Variants in AMD1 observed in about 807,000 individuals in gnomAD.
AMD1 encodes the protein S-adenosylmethionine decarboxylase proenzyme.
Under a neutral mutation model 40.2 loss-of-function variants are expected in AMD1, and 11 were observed. The observed-to-expected ratio is 0.27, with a 90% CI of 0.17 to 0.45. The LOEUF (loss-of-function observed/expected upper bound fraction) is 0.45. AMD1 is among the 20% of genes least tolerant of loss of function. AMD1 has a pLI of 1.00. For synonymous variants in AMD1, 121 were observed against 130.8 expected, an observed-to-expected ratio of 0.93 and a Z score of 0.51; for missense variants, 257 against 410.2, an observed-to-expected ratio of 0.63 and a Z score of 3.23.
At chr6:110,846,425 C>A in the AMD1 span, among the ~76,000 whole-genome samples, 1 of 152,170 alleles carries the variant, frequency 6.6e-6, no homozygotes, top group Non-Finnish European at 1.5e-5. Context: ...CATGAAGCCA[C>A]TTTTAATTTC....
intron 2 of AMD1, 185 bp from the exon 3 acceptor site, chr6:110,888,672 C>T: frequency 2.2e-6 from 1 of 455,016 alleles, no homozygotes; most frequent in Non-Finnish European, 3.9e-6. Context: ...AAATGCTTAC[C>T]ATGTGCCAAG....
the AMD1 span, chr6:110,815,922 C>T: frequency 2.6e-4 from 40 of 152,442 alleles, no homozygotes; most frequent in African/African-American, 9.1e-4. Context: ...GCCCCCCGTC[C>T]CGCTGCTCAT....
the AMD1 span, among the ~76,000 whole-genome samples, chr6:110,834,182 G>A: frequency 2.6e-5 from 4 of 151,968 alleles, no homozygotes. Context: ...TAATTATTCA[G>A]AAATAACAAG....
intron 2 of AMD1, chr6:110,888,646 A>G (rs1785837647): frequency 5.2e-6 from 2 of 385,584 alleles, no homozygotes; most frequent in Admixed American, 8.8e-5. Flanking sequence ...TATTATGAAT[A>G]TACGAATGTT....
At chr6:110,868,199 G>A in the AMD1 span, among the ~76,000 whole-genome samples, 1 of 151,966 alleles carries the variant, frequency 6.6e-6, no homozygotes, top group South Asian at 2.1e-4. Context: ...CCAGGCTGGA[G>A]TACAGTGGTG....
the AMD1 span, among the ~76,000 whole-genome samples, chr6:110,853,558 C>T: frequency 2.0e-5 from 3 of 152,124 alleles, no homozygotes; most frequent in Non-Finnish European, 4.4e-5. Flanking sequence ...CCGCCTGCCT[C>T]GGCCTCCCAA....
At chr6:110,860,870 CAG>C in the AMD1 span, among the ~76,000 whole-genome samples, 133 of 142,676 alleles carry the variant, frequency 9.3e-4, no homozygotes, top group African/African-American at 3.0e-3. Flanking sequence ...CACACACACA[CAG>C]AGAGAGAGAA....
the AMD1 span, among the ~76,000 whole-genome samples, chr6:110,861,514 A>G: frequency 6.8e-6 from 1 of 147,428 alleles, no homozygotes; most frequent in Non-Finnish European, 1.5e-5. Flanking sequence ...ACAGAGTGAG[A>G]CTCCATCTCA....
intron 1 of AMD1, among the ~76,000 whole-genome samples, chr6:110,880,821 C>T (rs1302687212): frequency 1.3e-5 from 2 of 152,052 alleles, no homozygotes; most frequent in East Asian, 1.9e-4. Context: ...TACAAGCCTG[C>T]GCCACCACAC....
intron 1 of AMD1, among the ~76,000 whole-genome samples, chr6:110,884,246 C>T (rs1372105460): frequency 2.0e-5 from 3 of 152,220 alleles, no homozygotes; most frequent in Non-Finnish European, 1.5e-5. Context: ...ACCAGATTGT[C>T]TGCTGAAAGT....
the AMD1 span, among the ~76,000 whole-genome samples, chr6:110,816,534 C>T: frequency 6.6e-6 from 1 of 152,196 alleles, no homozygotes; most frequent in Admixed American, 6.5e-5. Flanking sequence ...TATCCCACTA[C>T]TGCCTAAAAT....
At chr6:110,882,028 A>T (rs1014111246) in intron 1 of AMD1, among the ~76,000 whole-genome samples, 6 of 152,240 alleles carry the variant, frequency 3.9e-5, no homozygotes, top group Non-Finnish European at 8.8e-5. Context: ...TAAATAGTTT[A>T]TAATAGACTA....
At chr6:110,851,124 C>A in the AMD1 span, among the ~76,000 whole-genome samples, 1 of 151,864 alleles carries the variant, frequency 6.6e-6, no homozygotes, top group Admixed American at 6.6e-5. Flanking sequence ...CCACCATGCT[C>A]GGCTAATTTT....
chr6:110,886,894 T>G (rs980893692), intron 1 of AMD1, among the ~76,000 whole-genome samples: 1 of 152,272 alleles, frequency 6.6e-6, no homozygotes, highest in Non-Finnish European at 1.5e-5. Flanking sequence ...AAGACTAGTT[T>G]CTTCATGTCC....
chr6:110,825,571 T>C, the AMD1 span, among the ~76,000 whole-genome samples: 2 of 152,218 alleles, frequency 1.3e-5, no homozygotes, highest in Admixed American at 6.6e-5. Flanking sequence ...GCCACTGCCA[T>C]TGACATGTTC....
chr6:110,875,377 G>C (rs963681594), intron 1 of AMD1, among the ~76,000 whole-genome samples, 162 bp downstream of exon 1: 7 of 152,152 alleles, frequency 4.6e-5, no homozygotes, highest in Admixed American at 2.6e-4. Context: ...GTTTGGGGGA[G>C]AGCGGCCATG....
the AMD1 span, among the ~76,000 whole-genome samples, chr6:110,831,300 G>C: frequency 1.3e-5 from 2 of 151,798 alleles, no homozygotes; most frequent in Non-Finnish European, 2.9e-5. Context: ...TTAGCCAGGC[G>C]TGGTGGCAGG....
chr6:110,859,873 A>C, the AMD1 span, among the ~76,000 whole-genome samples: 1 of 152,128 alleles, frequency 6.6e-6, no homozygotes, highest in Non-Finnish European at 1.5e-5. Flanking sequence ...GTTGTTGCCC[A>C]GGCTGGAGTG....
chr6:110,850,853 G>A, the AMD1 span, among the ~76,000 whole-genome samples: 2 of 152,086 alleles, frequency 1.3e-5, no homozygotes, highest in African/African-American at 4.8e-5. Context: ...AGGCATCTTG[G>A]TTCTAGTTCT....
Sources: allele counts gnomAD v4.1 joint callset (sites outside exome capture counted in the v4.1 genomes callset), GRCh38; gene constraint gnomAD v4.1.1; transcripts MANE v1.5; gene names NCBI Gene and HGNC (gene_info 2026-07-23, HGNC 2026-07-21).